PECR: variants seen among roughly 807,000 people sequenced by gnomAD.
PECR encodes 2,4-dienoyl-CoA reductase-related protein.
A neutral mutation model predicts 35.3 loss-of-function variants in PECR; 30 were observed. That is an observed-to-expected ratio of 0.85 (90% CI 0.64 to 1.15). PECR has a LOEUF of 1.15. Among genes scored for constraint, PECR ranks in the 50% most tolerant of loss-of-function variants. The pLI, the probability that PECR is intolerant of heterozygous loss-of-function variation, is 0.00. For missense variants in PECR, 392 were observed against 370.8 expected, an observed-to-expected ratio of 1.06 and a Z score of -0.47; for synonymous variants, 148 against 138.9, an observed-to-expected ratio of 1.07 and a Z score of -0.46.
chr2:216,073,598 T>C (rs998749125), intron 1 of PECR, among the ~76,000 whole-genome samples: 1 of 152,002 alleles, frequency 6.6e-6, no homozygotes, highest in Admixed American at 6.5e-5. Context: ...TTATACCATA[T>C]TTTTACTATA....
At chr2:216,046,894 TA>T (rs1361269395) in intron 6 of PECR, among the ~76,000 whole-genome samples, 1 of 152,212 alleles carries the variant, frequency 6.6e-6, no homozygotes, top group Non-Finnish European at 1.5e-5. Context: ...ATCCAAATCA[TA>T]ATGGGATTTG....
At chr2:216,053,185 T>G (rs1695153650) in intron 4 of PECR, among the ~76,000 whole-genome samples, 2 of 151,844 alleles carry the variant, frequency 1.3e-5, no homozygotes, top group Admixed American at 1.3e-4. Flanking sequence ...TGAGTATGCC[T>G]TATTCAAAAT....
intron 5 of PECR, among the ~76,000 whole-genome samples, chr2:216,049,916 T>A (rs1695071289): frequency 6.6e-6 from 1 of 152,172 alleles, no homozygotes; most frequent in Non-Finnish European, 1.5e-5. Context: ...TCAGGAAAAT[T>A]ACTCAAAAAC....
chr2:216,065,129 A>G, intron 3 of PECR, 183 bp downstream of exon 3: 2 of 635,088 alleles, frequency 3.1e-6, no homozygotes, highest in East Asian at 5.4e-5. Context: ...AGATTGAAGG[A>G]TATCCACATT....
intron 3 of PECR, among the ~76,000 whole-genome samples, chr2:216,060,551 G>T (rs746970365): frequency 3.3e-5 from 5 of 152,132 alleles, no homozygotes; most frequent in Non-Finnish European, 7.4e-5. Context: ...AGTAGCAGCT[G>T]CTCGGTAGGC....
At chr2:216,033,326 A>C (rs1239029809) in intron 7 of PECR, among the ~76,000 whole-genome samples, 2 of 152,176 alleles carry the variant, frequency 1.3e-5, no homozygotes, top group African/African-American at 4.8e-5. Context: ...TATCACGTTG[A>C]ATAAAATGAC....
chr2:216,080,782 C>T (rs1035253190), intron 1 of PECR, among the ~76,000 whole-genome samples: 6 of 152,142 alleles, frequency 3.9e-5, no homozygotes, highest in African/African-American at 9.7e-5. Flanking sequence ...TCTTTTGGAA[C>T]GCTTAGTCCA....
At chr2:216,063,576 C>A (rs1263208050) in intron 3 of PECR, among the ~76,000 whole-genome samples, 5 of 151,880 alleles carry the variant, frequency 3.3e-5, no homozygotes, top group African/African-American at 1.2e-4. Flanking sequence ...AGAGATCACG[C>A]CACTGCACTC....
chr2:216,049,106 C>T (rs1387498926), intron 6 of PECR, among the ~76,000 whole-genome samples, 157 bp downstream of exon 6: 1 of 152,190 alleles, frequency 6.6e-6, no homozygotes, highest in African/African-American at 2.4e-5. Flanking sequence ...AGCCAAAGCA[C>T]AACCAGAATA....
At chr2:216,075,191 C>G (rs1695673876) in intron 1 of PECR, among the ~76,000 whole-genome samples, 1 of 152,056 alleles carries the variant, frequency 6.6e-6, no homozygotes, top group Non-Finnish European at 1.5e-5. Flanking sequence ...TCATTTCAGA[C>G]AGGAGTTCGA....
intron 7 of PECR, among the ~76,000 whole-genome samples, chr2:216,031,483 A>AAGAG (rs1694695745): frequency 7.4e-6 from 1 of 135,424 alleles, no homozygotes; most frequent in Non-Finnish European, 1.6e-5. Context: ...AAGAGAAAGA[A>AAGAG]AGAAAGAAAG....
At chr2:216,066,974 T>A (rs984229356) in intron 1 of PECR, among the ~76,000 whole-genome samples, 2 of 152,148 alleles carry the variant, frequency 1.3e-5, no homozygotes, top group Admixed American at 6.5e-5. Context: ...ACAAAATATA[T>A]GAAATGATGG....
intron 6 of PECR, among the ~76,000 whole-genome samples, chr2:216,045,794 G>C (rs1470237088): frequency 6.6e-6 from 1 of 152,202 alleles, no homozygotes; most frequent in Admixed American, 6.5e-5. Context: ...TTGCTCCAAT[G>C]AGCTCCTTTC....
At chr2:216,043,111 ATATATT>A (rs1243479759) in intron 7 of PECR, among the ~76,000 whole-genome samples, 5 of 146,056 alleles carry the variant, frequency 3.4e-5, no homozygotes, top group African/African-American at 1.0e-4. Flanking sequence ...GCGTATATAT[ATATATT>A]TTTTTTTGAG....
intron 4 of PECR, among the ~76,000 whole-genome samples, chr2:216,057,206 A>G (rs147808956): frequency 6.6e-6 from 1 of 152,172 alleles, no homozygotes; most frequent in Non-Finnish European, 1.5e-5. Flanking sequence ...GCTACACACT[A>G]TCTGATGTAC....
intron 7 of PECR, among the ~76,000 whole-genome samples, chr2:216,041,812 A>T (rs1047492575): frequency 2.0e-5 from 3 of 152,218 alleles, no homozygotes. Context: ...TGAAGCCTCC[A>T]TAAAAACCCA....
At chr2:216,061,567 T>C (rs1029404011) in intron 3 of PECR, among the ~76,000 whole-genome samples, 2 of 152,076 alleles carry the variant, frequency 1.3e-5, no homozygotes, top group African/African-American at 4.8e-5. Flanking sequence ...GAAGTATATA[T>C]ACCATATATG....
At chr2:216,079,107 A>G (rs1457642358) in intron 1 of PECR, among the ~76,000 whole-genome samples, 2 of 151,290 alleles carry the variant, frequency 1.3e-5, no homozygotes, top group African/African-American at 2.4e-5. Flanking sequence ...CTGGGCAGTA[A>G]TGGTGATGAG....
chr2:216,036,115 C>T (rs1359889892), downstream of PECR, among the ~76,000 whole-genome samples: 8 of 152,208 alleles, frequency 5.3e-5, no homozygotes, highest in African/African-American at 1.9e-4. Context: ...AATCAGGTGA[C>T]TCACCTCCCA....
Sources: allele counts gnomAD v4.1 joint callset (sites outside exome capture counted in the v4.1 genomes callset), GRCh38; gene constraint gnomAD v4.1.1; transcripts MANE v1.5; gene names NCBI Gene and HGNC (gene_info 2026-07-23, HGNC 2026-07-21).